Variants in CHUK observed in about 807,000 individuals in gnomAD.
The protein encoded by CHUK is component of inhibitor of nuclear factor kappa B kinase complex, also known as inhibitor of nuclear factor kappa-B kinase subunit alpha.
CHUK carries 35 observed loss-of-function variants against 104.8 expected under a neutral mutation model. The ratio of observed to expected loss-of-function variants is 0.33; its 90% CI spans 0.26 to 0.44. The LOEUF (loss-of-function observed/expected upper bound fraction) is 0.44, where lower values mean the gene tolerates loss of function less well. Ranked by LOEUF, CHUK falls within the 20% of genes least tolerant of loss-of-function variation. The pLI, the probability that CHUK is intolerant of heterozygous loss-of-function variation, is 1.00. For synonymous variants in CHUK, 276 were observed against 291.9 expected, an observed-to-expected ratio of 0.95 and a Z score of 0.56; for missense variants, 663 against 902.7, an observed-to-expected ratio of 0.73 and a Z score of 3.40.
intron 11 of CHUK, among the ~76,000 whole-genome samples, chr10:100,205,827 C>T (rs573765350): frequency 6.6e-6 from 1 of 152,318 alleles, no homozygotes; most frequent in South Asian, 2.1e-4. Flanking sequence ...ACTCGGGAGA[C>T]TGAGACAGGA....
At chr10:100,225,513 G>T (rs901679476) in intron 2 of CHUK, among the ~76,000 whole-genome samples, 1 of 152,072 alleles carries the variant, frequency 6.6e-6, no homozygotes. Context: ...GTAGATACTG[G>T]GTTGCTTTTA....
intron 6 of CHUK, 31 bp downstream of exon 6, chr10:100,219,239 C>T: frequency 6.4e-7 from 1 of 1,552,240 alleles, no homozygotes; most frequent in Non-Finnish European, 8.9e-7. Flanking sequence ...CCTATACACA[C>T]TTAAATTCAA....
chr10:100,218,852 G>T, intron 7 of CHUK, 27 bp from the exon 8 acceptor site: 1 of 1,568,516 alleles, frequency 6.4e-7, no homozygotes, highest in Non-Finnish European at 8.8e-7. Context: ...TACCTCAGTT[G>T]ACAAAGTGAT....
intron 16 of CHUK, among the ~76,000 whole-genome samples, chr10:100,196,095 C>T (rs1226290622): frequency 3.3e-5 from 5 of 152,134 alleles, no homozygotes; most frequent in South Asian, 2.1e-4. Flanking sequence ...TGTGCCACGA[C>T]GCCTGGCCCA....
intron 19 of CHUK, among the ~76,000 whole-genome samples, chr10:100,191,665 CAA>C (rs1233061286): frequency 6.6e-6 from 1 of 152,198 alleles, no homozygotes; most frequent in Non-Finnish European, 1.5e-5. Flanking sequence ...AGTCCCCTAA[CAA>C]GAGTCCGTTT....
chr10:100,207,307 TA>T lies in CHUK; in HGVS notation c.1153del (p.Tyr385IlefsTer23). The T allele has an allele frequency of 6.5e-7, 1 of 1,534,104 alleles. No individual in the cohort carries two copies. The highest frequency in any genetic ancestry group is 9.0e-7 in the Non-Finnish European group (1 of 1,108,296). On this transcript the variant is annotated frameshift_variant, in exon 11 of 21. Coordinates refer to ENST00000370397, the MANE Select transcript of CHUK (RefSeq NM_001278.5). LOFTEE classifies it high-confidence loss of function. ...GVRGCDSYMV[Y>X]LFDKSKTVYE... The stretch of plus-strand genomic sequence containing the variant: ...TACAGTTTTACTTTTATCAAACAAA[TA>T]AACCATATAGCTATCACAGCCTCTC...
intron 16 of CHUK, among the ~76,000 whole-genome samples, chr10:100,197,772 G>A (rs1845370626): frequency 6.6e-6 from 1 of 152,036 alleles, no homozygotes; most frequent in Non-Finnish European, 1.5e-5. Flanking sequence ...ACTGCTACTT[G>A]AGATACTTGG....
chr10:100,220,909 T>TA (rs1845971101), intron 4 of CHUK, among the ~76,000 whole-genome samples: 1 of 152,134 alleles, frequency 6.6e-6, no homozygotes, highest in African/African-American at 2.4e-5. Context: ...TAACACCAAA[T>TA]AGAAATGCAA....
At chr10:100,200,629 A>G in intron 15 of CHUK, 42 bp downstream of exon 15, 1 of 938,632 alleles carries the variant, frequency 1.1e-6, no homozygotes, top group Non-Finnish European at 1.8e-6. Context: ...AGAATACAAA[A>G]TATTACAGAT....
chr10:100,199,174 A>G (rs2134213812), intron 16 of CHUK, among the ~76,000 whole-genome samples: 1 of 152,202 alleles, frequency 6.6e-6, no homozygotes, highest in East Asian at 1.9e-4. Flanking sequence ...TTCAACTGGA[A>G]TTATTTTGCC....
In CHUK at chr10:100,218,591, TAGA is replaced by T. The variant is rs1193316073; in HGVS notation, c.797+124_797+126del. 21 of 728,408 alleles carry T rather than the reference TAGA, an allele frequency of 2.9e-5. 1 individual carries two copies. The Admixed American group carries it at 4.0e-4, about 14-fold the overall frequency. 45.1% of individuals were successfully genotyped at this position (728,408 alleles called of 1,614,324 possible). On this transcript the variant is annotated intron_variant, in intron 8 of 20. Transcript: ENST00000370397. ...TAACCTCATGTGGCCAACAGAAATA[TAGA>T]AGGTTTCTACATCATCACAGAAAGT...
chr10:100,213,647 G>A (rs929853860), intron 9 of CHUK, among the ~76,000 whole-genome samples: 7 of 151,974 alleles, frequency 4.6e-5, no homozygotes, highest in South Asian at 2.1e-4. Context: ...TCAGCCTCCC[G>A]TGTAGCTGGG....
intron 17 of CHUK, 47 bp downstream of exon 17, chr10:100,194,378 A>G: frequency 7.4e-7 from 1 of 1,355,246 alleles, no homozygotes. Flanking sequence ...GAGGAACAAG[A>G]TAAACGTATC....
At chr10:100,221,451 A>G (rs1213083008) in intron 4 of CHUK, among the ~76,000 whole-genome samples, 1 of 151,958 alleles carries the variant, frequency 6.6e-6, no homozygotes, top group Non-Finnish European at 1.5e-5. Flanking sequence ...AACAAACAAA[A>G]AAGAGTTGAC....
At chr10:100,228,779 G>C (rs1846160764) in intron 1 of CHUK, among the ~76,000 whole-genome samples, 1 of 152,028 alleles carries the variant, frequency 6.6e-6, no homozygotes, top group Non-Finnish European at 1.5e-5. Flanking sequence ...CCACCTACTA[G>C]AGCGCCCCCC....
At chr10:100,215,908 G>C (rs1264822428) in intron 9 of CHUK, among the ~76,000 whole-genome samples, 1 of 152,122 alleles carries the variant, frequency 6.6e-6, no homozygotes, top group Non-Finnish European at 1.5e-5. Context: ...TCAAAATTCA[G>C]TCCTATTATC....
intron 16 of CHUK, 76 bp downstream of exon 16, chr10:100,199,895 A>G (rs1845423074): frequency 9.3e-7 from 1 of 1,069,842 alleles, no homozygotes; most frequent in African/African-American, 1.6e-5. Flanking sequence ...ACTTAAAAAT[A>G]TTAGATCCCC....
chr10:100,193,314 C>G lies in CHUK; in HGVS notation c.2092G>C (p.Val698Leu). ...TAAACCCACCCATCTTGAGGAGTTA[C>G]CACACATGACAGAGAATGATCATGT... ...AEHDHSLSCVVTPQDGETSAQ... is the reference protein window; with the variant it reads ...AEHDHSLSCVLTPQDGETSAQ... Residue 698 changes from valine (V) to leucine (L), a missense_variant, in exon 19 of 21, where the codon GTA (valine) becomes CTA (leucine). By Grantham distance (32) the Val-to-Leu change is conservative. Around this residue, in one of 5 missense-constraint regions of CHUK, gnomAD observed 311 missense variants for 393.4 expected, o/e 0.79. Transcript: ENST00000370397. 1 of 1,614,068 alleles carries G rather than the reference C, an allele frequency of 6.2e-7. No homozygotes were observed. The highest frequency in any genetic ancestry group is 1.1e-5 in the South Asian group (1 of 91,080).
chr10:100,202,189 A>C (rs750563721), intron 13 of CHUK, 40 bp from the exon 14 acceptor site: 3 of 1,353,792 alleles, frequency 2.2e-6, no homozygotes, highest in Non-Finnish European at 3.2e-6. Context: ...AGAAATAGCC[A>C]TATCTTTAAT....
Sources: allele counts gnomAD v4.1 joint callset (sites outside exome capture counted in the v4.1 genomes callset), GRCh38; gene constraint gnomAD v4.1.1; regional missense constraint gnomAD v4.1.1; transcripts MANE v1.5; gene names NCBI Gene and HGNC (gene_info 2026-07-23, HGNC 2026-07-21).